The following RPLP0 variants were observed in gnomAD, a reference collection of about 807,000 sequenced individuals.
The protein encoded by RPLP0 is large ribosomal subunit protein uL10.
For synonymous variants in RPLP0, 137 were observed against 153.4 expected, an observed-to-expected ratio of 0.89 and a Z score of 0.79; for missense variants, 276 against 402.9, an observed-to-expected ratio of 0.69 and a Z score of 2.70.
chr12:120,197,127 A>G, intron 7 of RPLP0, 193 bp from the exon 8 acceptor site: 2 of 1,069,150 alleles, frequency 1.9e-6, no homozygotes, highest in Non-Finnish European at 1.4e-6. Flanking sequence ...GCTCTTGCCC[A>G]TTAACCCCCT....
At chr12:120,197,599 C>A in intron 6 of RPLP0, 137 bp from the exon 7 acceptor site, 1 of 987,220 alleles carries the variant, frequency 1.0e-6, no homozygotes, top group South Asian at 1.6e-5. Context: ...CATTTCATCT[C>A]ATACCAAATG....
chr12:120,196,943 A>AG lies in RPLP0; in HGVS notation c.793-10dup. On this transcript the variant is annotated splice_polypyrimidine_tract_variant and intron_variant, in intron 7 of 7. Transcript: ENST00000392514. ...GCCAAGAAGGCCTTGACCTGAAAGG[A>AG]GGGGGGAAGTGGTCAAAATGGTCAT... is the stretch of plus-strand genomic sequence containing the variant. 1.2e-6 allele frequency: 2 copies of AG among 1,613,150 alleles called. No individual in the cohort carries two copies. The highest frequency in any genetic ancestry group is 1.1e-5 in the South Asian group (1 of 90,858).
chr12:120,197,479 T>A lies in RPLP0; in HGVS notation c.652-17A>T. ...GCGGACACCCTGGGGGAGGGAAGAT[T>A]TCATTTTACGTGAGATTCCCTACAG... is the stretch of plus-strand genomic sequence containing the variant. On this transcript the variant is annotated splice_polypyrimidine_tract_variant and intron_variant, in intron 6 of 7. Coordinates refer to ENST00000392514, the MANE Select transcript of RPLP0 (RefSeq NM_001002.4). 1 of 1,612,894 alleles carries A rather than the reference T, an allele frequency of 6.2e-7. No individual in the cohort carries two copies. The highest frequency in any genetic ancestry group is 1.1e-5 in the South Asian group (1 of 90,892).
In RPLP0 at chr12:120,200,787, G is replaced by A. The variant is rs1223826003; in HGVS notation, c.-4C>T. 6.2e-7 allele frequency: 1 copy of A among 1,610,686 alleles called. No homozygotes were observed. The highest frequency in any genetic ancestry group is 8.5e-7 in the Non-Finnish European group (1 of 1,179,136). On this transcript the variant is annotated 5_prime_UTR_variant, in exon 2 of 8. Transcript: ENST00000392514. ...TCGCCCTGTCTTCCCTGGGCATCAC[G>A]GCGGTGCGTCAGGGATTGCCACGCA...
In RPLP0 at chr12:120,196,855, G is replaced by A. The variant is rs778536848; in HGVS notation, c.872C>T (p.Ala291Val). 1.9e-6 allele frequency: 3 copies of A among 1,611,340 alleles called. No homozygotes were observed. The highest frequency in any genetic ancestry group is 2.5e-6 in the Non-Finnish European group (3 of 1,179,024). Reference sequence around the variant, plus strand: ...TTCAACCTTAGCTGGGGCTGCAGCAGCAGCAGGAGCAGCTGTGGTGGCAGC... The same window carrying A: ...TTCAACCTTAGCTGGGGCTGCAGCAACAGCAGGAGCAGCTGTGGTGGCAGC... ...VAAATTAAPA[A>V]AAAPAKVEAK... The change falls in exon 8 of 8, where the codon GCT becomes GTT. Residue 291 changes from alanine to valine, a missense_variant. Ala to Val is a moderately conservative substitution (Grantham distance 64). Coordinates refer to ENST00000392514, the MANE Select transcript of RPLP0 (RefSeq NM_001002.4).
chr12:120,198,548 A>C lies in RPLP0; in HGVS notation c.651+6T>G. 1 of 1,614,078 alleles carries C rather than the reference A, an allele frequency of 6.2e-7. No individual in the cohort carries two copies. Among genetic ancestry groups the C allele is most frequent in the Non-Finnish European group, 8.5e-7 (1 of 1,179,998 alleles). On this transcript the variant is annotated splice_donor_region_variant and intron_variant, in intron 6 of 7. Coordinates refer to ENST00000392514, the MANE Select transcript of RPLP0 (RefSeq NM_001002.4). The surrounding 1 kb of genome is among the most constrained non-coding windows in gnomAD (Gnocchi z 4.1). ...TGTAAGAGGGGGCAAGGCTGACAGC[A>C]TATACCTCCAGGAAGCGAGAATGCA...
chr12:120,198,744 A>G lies in RPLP0; in HGVS notation c.466-5T>C. The G allele has an allele frequency of 6.2e-7, 1 of 1,613,806 alleles. No homozygotes were observed. The highest frequency in any genetic ancestry group is 1.3e-5 in the African/African-American group (1 of 75,040). On this transcript the variant is annotated splice_region_variant and splice_polypyrimidine_tract_variant and intron_variant, in intron 5 of 7. Transcript: ENST00000392514. This position sits in a 1 kb window ranked among gnomAD's most constrained non-coding sequence, Gnocchi z 4.1. Reference sequence around the variant, plus strand: ...CTTGATCAGCTGCACATCACTCTGAACCAGATAATAGTGGGGCAGTAAACA... The same window carrying G: ...CTTGATCAGCTGCACATCACTCTGAGCCAGATAATAGTGGGGCAGTAAACA...
intron 2 of RPLP0, chr12:120,200,216 GCA>G (rs1879373876): frequency 9.8e-6 from 4 of 408,962 alleles, no homozygotes; most frequent in Non-Finnish European, 2.0e-5. Context: ...TGTAATCCTA[GCA>G]CTTAGGGAGG....
At position 120,199,277 on chromosome 12, in the gene RPLP0, G is replaced by A. The variant is rs375752479; in HGVS notation, c.230+33C>T. ...TCCAGGAAGAGGGAGACGGGCACTG[G>A]GGAGAAAGGACAAAACTGCCAGGGG... is the stretch of plus-strand genomic sequence containing the variant. On this transcript the variant is annotated intron_variant, in intron 3 of 7. Coordinates refer to ENST00000392514, the MANE Select transcript of RPLP0 (RefSeq NM_001002.4). 125 of 1,613,856 alleles carry A rather than the reference G, an allele frequency of 7.7e-5. No homozygotes were observed. In the African/African-American group the frequency reaches 1.4e-3, roughly 18 times the overall value.
intron 1 of RPLP0, 126 bp from the exon 2 acceptor site, chr12:120,200,957 G>A: frequency 1.4e-5 from 17 of 1,215,428 alleles, no homozygotes; most frequent in Non-Finnish European, 1.9e-5. Context: ...GTCATCTCGG[G>A]GCGTGCAAGC....
intron 1 of RPLP0, 99 bp downstream of exon 1, chr12:120,200,984 G>A: frequency 4.5e-6 from 4 of 885,850 alleles, no homozygotes; most frequent in Non-Finnish European, 6.6e-6. Context: ...CGAGGCCCCA[G>A]GCGGAACAGA....
intron 2 of RPLP0, chr12:120,200,443 A>T: frequency 2.7e-6 from 1 of 376,948 alleles, no homozygotes; most frequent in South Asian, 3.0e-5. Flanking sequence ...AGCCTGGACA[A>T]CAGAGCGAGA....
At chr12:120,199,601 G>T (rs936456742) in intron 2 of RPLP0, 116 bp from the exon 3 acceptor site, 2 of 1,087,264 alleles carry the variant, frequency 1.8e-6, no homozygotes, top group South Asian at 1.6e-5. Context: ...CTAAGCTTTT[G>T]AAGTCAGAGG....
At chr12:120,199,896 C>A in intron 2 of RPLP0, 1 of 390,618 alleles carries the variant, frequency 2.6e-6, no homozygotes, top group Admixed American at 3.2e-5. Context: ...ACAATCTAGG[C>A]GTGTTTATCC....
intron 1 of RPLP0, 47 bp from the exon 2 acceptor site, chr12:120,200,878 C>A: frequency 1.3e-6 from 2 of 1,524,104 alleles, no homozygotes; most frequent in South Asian, 2.5e-5. Context: ...GACACCCATC[C>A]CGCGGTCCCG....
At chr12:120,197,582 G>C in intron 6 of RPLP0, 120 bp from the exon 7 acceptor site, 2 of 1,180,234 alleles carry the variant, frequency 1.7e-6, no homozygotes, top group Non-Finnish European at 2.4e-6. Flanking sequence ...TCAGTCTCAA[G>C]AGAGGCCATT....
intron 2 of RPLP0, chr12:120,200,417 C>T: frequency 2.8e-6 from 1 of 355,084 alleles, no homozygotes; most frequent in Non-Finnish European, 5.3e-6. Context: ...AAGCCAAGAT[C>T]AAGCCACTGC....
rs1025277958 is a variant in RPLP0 at position 120,199,382 on chromosome 12, A to C, written c.158T>G (p.Val53Gly). ...IRMSLRGKAV[V>G]LMGKNTMMRK... The stretch of plus-strand genomic sequence containing the variant: ...CATCATGGTGTTCTTGCCCATCAGC[A>C]CCACAGCCTTCCCGCGAAGGGACAT... Residue 53 changes from valine to glycine, a missense_variant, in exon 3 of 8, where the codon GTG becomes GGG. By Grantham distance (109) the Val-to-Gly change is moderately radical. Coordinates refer to ENST00000392514, the MANE Select transcript of RPLP0 (RefSeq NM_001002.4). The C allele has an allele frequency of 6.2e-7, 1 of 1,614,150 alleles. No homozygotes were observed. The highest frequency in any genetic ancestry group is 8.5e-7 in the Non-Finnish European group (1 of 1,180,024).
chr12:120,200,577 A>G (rs1230012146), intron 2 of RPLP0, 153 bp downstream of exon 2: 21 of 755,938 alleles, frequency 2.8e-5, no homozygotes, highest in African/African-American at 7.0e-5. Flanking sequence ...AACAGAAGGG[A>G]CCTATCTCAG....
Sources: gnomAD v4.1 joint callset for allele counts on GRCh38, gnomAD v4.1.1 for gene constraint, Gnocchi (gnomAD v3.1) non-coding constraint, MANE v1.5 for transcripts, NCBI Gene and HGNC (gene_info 2026-07-23, HGNC 2026-07-21) for gene names.